Variants in PCDHGA12 observed in about 807,000 individuals in gnomAD.
The protein encoded by PCDHGA12 is protocadherin gamma-A12.
Under a neutral mutation model 61.1 loss-of-function variants are expected in PCDHGA12, and 43 were observed. The ratio of observed to expected loss-of-function variants is 0.70; its 90% CI spans 0.55 to 0.91. The LOEUF (loss-of-function observed/expected upper bound fraction) is 0.91. PCDHGA12 is among the 40% of genes least tolerant of loss of function. The probability of loss-of-function intolerance (pLI) is 0.00; values close to 1 mark genes in which losing one functional copy is unlikely to be tolerated. For missense variants in PCDHGA12, 1,236 were observed against 1,227.7 expected (o/e 1.01, Z -0.10); for synonymous variants, 520 against 542.9 (o/e 0.96, Z 0.59).
chr5:141,489,458 G>A lies in PCDHGA12; in HGVS notation c.2425-5349G>A, dbSNP rs143138320. 3.5e-5 allele frequency: 56 copies of A among 1,614,042 alleles called. No homozygotes were observed. The highest frequency in any genetic ancestry group is 8.0e-5 in the African/African-American group (6 of 75,052). ...CAATTGGGCTCTGAGGAGAATGGGC[G>A]CTATTTTTCCCTGAGCTTGATGAGT... is the stretch of plus-strand genomic sequence containing the variant. On this transcript the variant is annotated intron_variant, in intron 1 of 3. Transcript: ENST00000252085. This position sits in a 1 kb window ranked among gnomAD's most constrained non-coding sequence, Gnocchi z 4.5.
At chr5:141,459,215 G>C (rs2098963353) in intron 1 of PCDHGA12, among the ~76,000 whole-genome samples, 1 of 152,112 alleles carries the variant, frequency 6.6e-6, no homozygotes, top group South Asian at 2.1e-4. Flanking sequence ...TACTTCTCCA[G>C]CTCCAGGCAA....
rs2099403992 is a variant in PCDHGA12, at chr5:141,477,030, C to T, written c.2425-17777C>T. On this transcript the variant is annotated intron_variant, in intron 1 of 3. Transcript: ENST00000252085. This position sits in a 1 kb window ranked among gnomAD's most constrained non-coding sequence, Gnocchi z 4.9. ...TTAGACCTTGTAACCGGGATGCTGACAATCAAGGGTCGGCTGGACTTCGAG... is the reference window on the plus strand; with the variant it reads ...TTAGACCTTGTAACCGGGATGCTGATAATCAAGGGTCGGCTGGACTTCGAG... The T allele has an allele frequency of 1.2e-6, 2 of 1,614,272 alleles. No homozygotes were observed. The highest frequency in any genetic ancestry group is 1.6e-4 in the Middle Eastern group (1 of 6,062).
chr5:141,490,561 A>G lies in PCDHGA12; in HGVS notation c.2425-4246A>G. On this transcript the variant is annotated intron_variant, in intron 1 of 3. Coordinates refer to ENST00000252085, the MANE Select transcript of PCDHGA12 (RefSeq NM_003735.3). This position sits in a 1 kb window ranked among gnomAD's most constrained non-coding sequence, Gnocchi z 5.4. Reference sequence around the variant, plus strand: ...TTCCCTACACAAACATCTCACCATCAGGCTCAACATTTCAGATGTCAATGA... The same window carrying G: ...TTCCCTACACAAACATCTCACCATCGGGCTCAACATTTCAGATGTCAATGA... 6.2e-7 allele frequency: 1 copy of G among 1,614,090 alleles called. No individual in the cohort carries two copies. The highest frequency in any genetic ancestry group is 8.5e-7 in the Non-Finnish European group (1 of 1,180,004).
rs760509503 is a variant in PCDHGA12 at position 141,432,756 on chromosome 5, A to T, written c.1997A>T (p.Asp666Val). The T allele has an allele frequency of 5.6e-6, 9 of 1,613,958 alleles. No homozygotes were observed. Among genetic ancestry groups the T allele is most frequent in the Non-Finnish European group, 7.6e-6 (9 of 1,179,994 alleles). The change falls in exon 1 of 4, where the codon GAC (aspartate) becomes GTC (valine). Residue 666 changes from aspartate to valine, a missense_variant. Transcript: ENST00000252085. This position sits in a 1 kb window ranked among gnomAD's most constrained non-coding sequence, Gnocchi z 6.0. ...GTCACGCTCACCGTGGCCGTGGCCG[A>T]CAGCATCCCCCAAGTCCTGGCGGAC... ...ATVTLTVAVA[D>V]SIPQVLADLG...
intron 1 of PCDHGA12, among the ~76,000 whole-genome samples, chr5:141,448,476 G>A (rs1002358317): frequency 1.3e-5 from 2 of 151,976 alleles, no homozygotes; most frequent in African/African-American, 4.8e-5. Flanking sequence ...TTCCACCCTT[G>A]CTTCCTCCTG....
chr5:141,453,784 G>T (rs767312144), intron 1 of PCDHGA12, among the ~76,000 whole-genome samples: 47 of 152,298 alleles, frequency 3.1e-4, no homozygotes, highest in Non-Finnish European at 5.6e-4. Flanking sequence ...AGTTACCATG[G>T]TATATTAACT....
rs558074504 is a variant in PCDHGA12, at chr5:141,489,065, C to G, written c.2425-5742C>G. On this transcript the variant is annotated intron_variant, in intron 1 of 3. Coordinates refer to ENST00000252085, the MANE Select transcript of PCDHGA12 (RefSeq NM_003735.3). This position sits in a 1 kb window ranked among gnomAD's most constrained non-coding sequence, Gnocchi z 4.5. ...CCACTCAAATTCAGCTCCCCTCCCC[C>G]CTGCCCACCCCCGCCACTCGGTGAC... is the stretch of plus-strand genomic sequence containing the variant. The G allele has an allele frequency of 1.5e-4, 57 of 389,046 alleles. No homozygotes were observed. Among genetic ancestry groups the G allele is most frequent in the African/African-American group, 8.5e-4 (40 of 47,278 alleles). 24.1% of individuals were successfully genotyped at this position (389,046 alleles called of 1,614,324 possible).
chr5:141,463,424 CT>C (rs2099058999), intron 1 of PCDHGA12, among the ~76,000 whole-genome samples: 1 of 148,698 alleles, frequency 6.7e-6, no homozygotes, highest in Non-Finnish European at 1.5e-5. Flanking sequence ...TTTGCGGATC[CT>C]CATTTCCTTC....
At chr5:141,446,312 T>C (rs2098498076) in intron 1 of PCDHGA12, among the ~76,000 whole-genome samples, 1 of 152,208 alleles carries the variant, frequency 6.6e-6, no homozygotes, top group African/African-American at 2.4e-5. Flanking sequence ...GAGTGATTCC[T>C]GGGTTTCCAC....
In PCDHGA12 at chr5:141,487,934, C is replaced by T; in HGVS notation, c.2425-6873C>T. 4.9e-6 allele frequency: 3 copies of T among 607,674 alleles called. No homozygotes were observed. The highest frequency in any genetic ancestry group is 2.1e-5 in the South Asian group (1 of 48,014). 37.6% of individuals were successfully genotyped at this position (607,674 alleles called of 1,614,324 possible). Reference sequence around the variant, plus strand: ...ACAGGAGGCTACAGTGCACAGGGTACAGTGCACCAGGCAGTCACTTGGACA... The same window carrying T: ...ACAGGAGGCTACAGTGCACAGGGTATAGTGCACCAGGCAGTCACTTGGACA... On this transcript the variant is annotated intron_variant, in intron 1 of 3. Transcript: ENST00000252085. This position sits in a 1 kb window ranked among gnomAD's most constrained non-coding sequence, Gnocchi z 5.0.
At chr5:141,466,280 C>T (rs1181499549) in intron 1 of PCDHGA12, among the ~76,000 whole-genome samples, 1 of 152,142 alleles carries the variant, frequency 6.6e-6, no homozygotes, top group Admixed American at 6.6e-5. Flanking sequence ...AAGCAATCTT[C>T]CCACCTCAGG....
Position 141,491,758 on chromosome 5 carries a change from C to A in PCDHGA12, c.2425-3049C>A. The stretch of plus-strand genomic sequence containing the variant: ...TGGGGGCGGCACTGGAGAAGCCGCC[C>A]GTCCTCATAAGGGATTGAACTTGCA... On this transcript the variant is annotated intron_variant, in intron 1 of 3. Coordinates refer to ENST00000252085, the MANE Select transcript of PCDHGA12 (RefSeq NM_003735.3). This position sits in a 1 kb window ranked among gnomAD's most constrained non-coding sequence, Gnocchi z 6.9. 6.3e-7 allele frequency: 1 copy of A among 1,578,788 alleles called. No homozygotes were observed. Among genetic ancestry groups the A allele is most frequent in the Non-Finnish European group, 8.6e-7 (1 of 1,163,522 alleles).
intron 1 of PCDHGA12, among the ~76,000 whole-genome samples, chr5:141,472,980 C>CAAA (rs60579131): frequency 5.8e-5 from 5 of 86,104 alleles, no homozygotes; most frequent in Non-Finnish European, 1.0e-4. Context: ...GAGTGAAACT[C>CAAA]AAAAAAAAAA....
Position 141,431,980 on chromosome 5 carries a change from C to G in PCDHGA12, c.1221C>G (p.Asp407Glu). The G allele has an allele frequency of 6.2e-7, 1 of 1,614,214 alleles. No homozygotes were observed. The highest frequency in any genetic ancestry group is 8.5e-7 in the Non-Finnish European group (1 of 1,180,024). ...GAAATTACTATAGTTTAGTCACAGACATAGTCTTGGATAGGGAACAGGTTC... is the reference window on the plus strand; with the variant it reads ...GAAATTACTATAGTTTAGTCACAGAGATAGTCTTGGATAGGGAACAGGTTC... ...SYGNYYSLVT[D>E]IVLDREQVPS... Residue 407 changes from aspartate (D) to glutamate (E), a missense_variant, in exon 1 of 4, where the codon GAC (aspartate) becomes GAG (glutamate). By Grantham distance (45) the Asp-to-Glu change is conservative. Transcript: ENST00000252085. The surrounding 1 kb of genome is among the most constrained non-coding windows in gnomAD (Gnocchi z 4.8).
chr5:141,434,174 C>T (rs1310074584), intron 1 of PCDHGA12, among the ~76,000 whole-genome samples: 1 of 152,132 alleles, frequency 6.6e-6, no homozygotes, highest in Non-Finnish European at 1.5e-5. Flanking sequence ...GGGATTATAT[C>T]CAAGATTTGT....
rs201073884 is a variant in PCDHGA12 at position 141,486,264 on chromosome 5, A to C, written c.2425-8543A>C. On this transcript the variant is annotated intron_variant, in intron 1 of 3. Coordinates refer to ENST00000252085, the MANE Select transcript of PCDHGA12 (RefSeq NM_003735.3). This position sits in a 1 kb window ranked among gnomAD's most constrained non-coding sequence, Gnocchi z 5.0. The stretch of plus-strand genomic sequence containing the variant: ...CTTGGAACCCTCCCCGAGAGTGCAG[A>C]ACCTGGCACTGTGGTGGCACTTATC... 8 of 1,614,032 alleles carry C rather than the reference A, an allele frequency of 5.0e-6. No individual in the cohort carries two copies. The East Asian group carries it at 1.6e-4, about 31-fold the overall frequency.
chr5:141,500,367 C>A (rs953610460), intron 2 of PCDHGA12, among the ~76,000 whole-genome samples: 7 of 151,940 alleles, frequency 4.6e-5, no homozygotes, highest in African/African-American at 1.7e-4. Context: ...CACTACCACG[C>A]CCGGCTAATT....
chr5:141,486,985 T>C lies in PCDHGA12; in HGVS notation c.2425-7822T>C. On this transcript the variant is annotated intron_variant, in intron 1 of 3. Coordinates refer to ENST00000252085, the MANE Select transcript of PCDHGA12 (RefSeq NM_003735.3). The surrounding 1 kb of genome is among the most constrained non-coding windows in gnomAD (Gnocchi z 5.0). ...TGGACTTGGATTCAGGTTACAATGC[T>C]TGGGTTTCCTATCAGCTCCTGGAGG... 1 of 1,614,208 alleles carries C rather than the reference T, an allele frequency of 6.2e-7. No individual in the cohort carries two copies. The highest frequency in any genetic ancestry group is 8.5e-7 in the Non-Finnish European group (1 of 1,180,040).
At chr5:141,437,264 A>G (rs2097872616) in intron 1 of PCDHGA12, among the ~76,000 whole-genome samples, 2 of 152,228 alleles carry the variant, frequency 1.3e-5, no homozygotes, top group South Asian at 2.1e-4. Context: ...TTTTATGTGT[A>G]TGACAGATGT....
Sources: gnomAD v4.1 joint callset for allele counts (sites outside exome capture counted in the v4.1 genomes callset) on GRCh38, gnomAD v4.1.1 for gene constraint, Gnocchi (gnomAD v3.1) non-coding constraint, MANE v1.5 for transcripts, NCBI Gene and HGNC (gene_info 2026-07-23, HGNC 2026-07-21) for gene names.